RTL1: variants seen among roughly 807,000 people sequenced by gnomAD.
RTL1 encodes retrotransposon Gag like 1.
For synonymous variants in RTL1, 727 were observed against 748.4 expected (o/e 0.97, Z 0.47); for missense variants, 1,681 against 1,767.5 (o/e 0.95, Z 0.88).
In RTL1 at chr14:100,882,733, A is replaced by G; in HGVS notation, c.2056T>C (p.Trp686Arg). ...SVNGHRTEDV[W>R]KAAFGLELEE... ...AGCTCCAAACCAAACGCTGCTTTCC[A>G]CACATCTTCGGTGCGGTGCCCGTTC... Residue 686 changes from tryptophan to arginine, a missense_variant, in exon 4 of 4, where the codon TGG becomes CGG. By Grantham distance (101) the Trp-to-Arg change is moderately radical (BLOSUM62 -3). Coordinates refer to ENST00000649591, the MANE Select transcript of RTL1 (RefSeq NM_001134888.3). The G allele has an allele frequency of 1.3e-6, 2 of 1,551,932 alleles. No homozygotes were observed. The highest frequency in any genetic ancestry group is 1.7e-6 in the Non-Finnish European group (2 of 1,147,068).
At chr14:100,899,386 T>A (rs560998509) in intron 2 of RTL1, among the ~76,000 whole-genome samples, 2 of 151,800 alleles carry the variant, frequency 1.3e-5, no homozygotes, top group East Asian at 3.9e-4. Flanking sequence ...ATGACTGGAG[T>A]AACGATGAGG....
chr14:100,898,030 T>A (rs981237848), intron 2 of RTL1: 9 of 492,042 alleles, frequency 1.8e-5, no homozygotes, highest in African/African-American at 1.4e-4. Context: ...TTCATTCCTT[T>A]TAAGAGCTGT....
rs949890061 is a variant in RTL1, at chr14:100,903,356, G to A, written c.-214C>T. On this transcript the variant is annotated 5_prime_UTR_variant, in exon 2 of 4. Transcript: ENST00000649591. ...GTGATGCCGGTGGCTTAGTGATGCC[G>A]GTGGCTTCCTGTCCTCGAAGCTCAG... Among the ~76,000 whole-genome samples, 3 of 152,106 alleles carry A rather than the reference G, an allele frequency of 2.0e-5. No individual in the cohort carries two copies. The highest frequency in any genetic ancestry group is 7.2e-5 in the African/African-American group (3 of 41,402).
At position 100,882,362 on chromosome 14, in the gene RTL1, C is replaced by A. The variant is rs1178181256; in HGVS notation, c.2427G>T (p.Leu809=). 12 of 1,551,686 alleles carry A rather than the reference C, an allele frequency of 7.7e-6. No homozygotes were observed. Among genetic ancestry groups the A allele is most frequent in the Non-Finnish European group, 1.0e-5 (12 of 1,146,978 alleles). ...GGAAGACGAATTCGATGAAGTTTCG[C>A]AGAGATAGCTTGGAGCCAGGGGTAG... The part of the protein sequence containing the change: ...GYPTPGSKLS[L]RNFIEFVFPY... Residue 809 remains leucine (L), a synonymous_variant, in exon 4 of 4, where the codon CTG becomes CTT. Coordinates refer to ENST00000649591, the MANE Select transcript of RTL1 (RefSeq NM_001134888.3).
rs1246130485 is a variant in RTL1, at chr14:100,880,273, A to T, written c.*439T>A. Among the ~76,000 whole-genome samples the T allele has an allele frequency of 6.6e-6, 1 of 151,392 alleles. No homozygotes were observed. The highest frequency in any genetic ancestry group is 1.5e-5 in the Non-Finnish European group (1 of 67,850). On this transcript the variant is annotated 3_prime_UTR_variant, in exon 4 of 4. Coordinates refer to ENST00000649591, the MANE Select transcript of RTL1 (RefSeq NM_001134888.3). ...GAGCACCGGCAGTGGAGGTAGAAGA[A>T]GTCAGTGGAGCACCCGAGGTCAGTG...
intron 3 of RTL1, among the ~76,000 whole-genome samples, chr14:100,886,426 C>T (rs1028276085): frequency 6.6e-6 from 1 of 152,112 alleles, no homozygotes; most frequent in African/African-American, 2.4e-5. Flanking sequence ...AACCTTCTAG[C>T]GTAAACATAT....
rs1051923563 is a variant in RTL1, at chr14:100,897,593, C to T, written c.-148-4088G>A. 2.0e-5 allele frequency: 3 copies of T among 153,010 alleles called. 1 individual carries two copies. In the South Asian group the frequency reaches 6.2e-4, roughly 32 times the overall value. The allele number at this position is 153,010 out of a possible 1,614,324, so 9.5% of individuals were successfully genotyped here. A position where few individuals can be genotyped will look rare whatever the true frequency, so the allele number is the denominator to read the frequency against. ...TCATAGTGTACATTTCCTCTCGCAG[C>T]AGCTTGTGTTTCTTCCTTCAAGAGT... On this transcript the variant is annotated intron_variant, in intron 2 of 3. Coordinates refer to ENST00000649591, the MANE Select transcript of RTL1 (RefSeq NM_001134888.3).
chr14:100,894,527 T>A (rs1023149543), intron 2 of RTL1, among the ~76,000 whole-genome samples: 37 of 151,966 alleles, frequency 2.4e-4, no homozygotes, highest in Admixed American at 2.2e-3. Flanking sequence ...CCCCATGGGG[T>A]TTTTGTCCTG....
chr14:100,880,587 C>T lies in RTL1; in HGVS notation c.*125G>A. The T allele has an allele frequency of 6.8e-7, 1 of 1,474,992 alleles. No homozygotes were observed. The highest frequency in any genetic ancestry group is 1.4e-5 in the African/African-American group (1 of 70,798). 91.4% of individuals were successfully genotyped at this position (1,474,992 alleles called of 1,614,324 possible). On this transcript the variant is annotated 3_prime_UTR_variant, in exon 4 of 4. Coordinates refer to ENST00000649591, the MANE Select transcript of RTL1 (RefSeq NM_001134888.3). ...AGTTGTTGCCCTTCACAAGTGGGTT[C>T]CTCTTGGGTCAGGAGTGGCAGGAAG...
chr14:100,901,875 C>T lies in RTL1; in HGVS notation c.-149+1416G>A, dbSNP rs74082836. Among the ~76,000 whole-genome samples, 1,509 of 152,308 alleles carry T rather than the reference C, an allele frequency of 9.9e-3. 35 individuals carry two copies. Among genetic ancestry groups the T allele is most frequent in the African/African-American group, 0.035 (1,459 of 41,560 alleles). On this transcript the variant is annotated intron_variant, in intron 2 of 3. Coordinates refer to ENST00000649591, the MANE Select transcript of RTL1 (RefSeq NM_001134888.3). ...AGGCACCCCGCCAACCATCTCTGTG[C>T]CTTTGCCATTTAGCCCAGGGCAAGC...
chr14:100,895,494 G>A (rs1224161878), intron 2 of RTL1, among the ~76,000 whole-genome samples: 1 of 152,142 alleles, frequency 6.6e-6, no homozygotes, highest in East Asian at 1.9e-4. Context: ...TGTAGAAAAG[G>A]CACTTATTTT....
intron 2 of RTL1, chr14:100,894,904 C>T (rs947489244): frequency 2.6e-5 from 4 of 152,242 alleles, no homozygotes; most frequent in African/African-American, 9.6e-5. Context: ...GGCAGTGGGT[C>T]CAGGGGGTTT....
intron 2 of RTL1, among the ~76,000 whole-genome samples, chr14:100,900,980 C>T (rs1267199108): frequency 1.3e-5 from 2 of 152,136 alleles, no homozygotes; most frequent in African/African-American, 2.4e-5. Context: ...CTTGCAGTGC[C>T]TAACTGAGCT....
intron 2 of RTL1, chr14:100,897,852 A>G (rs2038890047): frequency 8.0e-6 from 3 of 373,792 alleles, no homozygotes; most frequent in Admixed American, 2.3e-5. Flanking sequence ...TGGGCTCACG[A>G]GTGTTTATGA....
Position 100,880,660 on chromosome 14 carries a change from G to C in RTL1, c.*52C>G. 6.5e-7 allele frequency: 1 copy of C among 1,548,234 alleles called. No individual in the cohort carries two copies. The highest frequency in any genetic ancestry group is 8.7e-7 in the Non-Finnish European group (1 of 1,146,146). ...CGGGGAGGCCAGGGGACGTCGGGAG[G>C]TGTTGGGGTGAGAAATAGAGGGGAC... On this transcript the variant is annotated 3_prime_UTR_variant, in exon 4 of 4. Transcript: ENST00000649591.
Position 100,884,263 on chromosome 14 carries a change from G to A in RTL1, c.526C>T (p.Arg176Ter), listed in dbSNP as rs762452497. 54 of 1,551,624 alleles carry A rather than the reference G, an allele frequency of 3.5e-5. No individual in the cohort carries two copies. The highest frequency in any genetic ancestry group is 4.6e-5 in the Non-Finnish European group (53 of 1,146,994). The change falls in exon 4 of 4, where the codon CGA (arginine) becomes TGA (stop). Residue 176 changes from arginine (R) to a stop codon, truncating the protein, a stop_gained. Coordinates refer to ENST00000649591, the MANE Select transcript of RTL1 (RefSeq NM_001134888.3). LOFTEE classifies it low-confidence loss of function (END_TRUNC). ...MVRSIISLYF[R>*]MQDLKEQQRV... Reference sequence around the variant, plus strand: ...TGTTGCTCTTTGAGGTCTTGCATTCGGAAGTACAGCGAGATGATGGACCTC... The same window carrying A: ...TGTTGCTCTTTGAGGTCTTGCATTCAGAAGTACAGCGAGATGATGGACCTC...
rs1379876961 is a variant in RTL1 at position 100,883,903 on chromosome 14, G to T, written c.886C>A (p.Gln296Lys). ...VAEEAMFTIRQGGRSATEYID... is the reference protein window; with the variant it reads ...VAEEAMFTIRKGGRSATEYID... ...TACTCAGTGGCAGAGCGGCCGCCCT[G>T]CCTGATGGTGAACATGGCCTCTTCT... The change falls in exon 4 of 4, where the codon CAG becomes AAG. Residue 296 changes from glutamine to lysine, a missense_variant. Transcript: ENST00000649591. The surrounding 1 kb of genome is among the most constrained non-coding windows in gnomAD (Gnocchi z 5.9). 2 of 1,551,464 alleles carry T rather than the reference G, an allele frequency of 1.3e-6. No individual in the cohort carries two copies. The highest frequency in any genetic ancestry group is 3.9e-5 in the Admixed American group (2 of 50,986).
At chr14:100,899,015 C>T (rs1471162099) in intron 2 of RTL1, 4 of 152,274 alleles carry the variant, frequency 2.6e-5, no homozygotes, top group African/African-American at 9.6e-5. Context: ...AAAACTGCCT[C>T]GAATTCTTTC....
At chr14:100,897,211 T>C (rs2038870039) in intron 2 of RTL1, among the ~76,000 whole-genome samples, 1 of 152,176 alleles carries the variant, frequency 6.6e-6, no homozygotes, top group South Asian at 2.1e-4. Context: ...TCTGGGCATG[T>C]ACCCACTCCC....
Sources: allele counts gnomAD v4.1 joint callset (sites outside exome capture counted in the v4.1 genomes callset), GRCh38; gene constraint gnomAD v4.1.1; non-coding constraint Gnocchi (gnomAD v3.1); transcripts MANE v1.5; gene names NCBI Gene and HGNC (gene_info 2026-07-23, HGNC 2026-07-21).